MYO5A: variants seen among roughly 807,000 people sequenced by gnomAD.
The protein encoded by MYO5A is myosin VA.
A neutral mutation model predicts 249.7 loss-of-function variants in MYO5A; 98 were observed. The ratio of observed to expected loss-of-function variants is 0.39; its 90% CI spans 0.33 to 0.46. The LOEUF is 0.46. MYO5A is among the 20% of genes least tolerant of loss of function. MYO5A has a pLI of 0.98. For synonymous variants in MYO5A, 778 were observed against 810.6 expected (o/e 0.96, Z 0.68); for missense variants, 1,696 against 2,308.8 (o/e 0.73, Z 5.44).
chr15:52,498,092 C>CAA (rs2077079273), intron 1 of MYO5A, among the ~76,000 whole-genome samples: 1 of 151,818 alleles, frequency 6.6e-6, no homozygotes, highest in Non-Finnish European at 1.5e-5. Flanking sequence ...AAGAAAACAA[C>CAA]AAAAACTCAT....
intron 1 of MYO5A, among the ~76,000 whole-genome samples, chr15:52,497,121 C>T (rs991646090): frequency 1.3e-5 from 2 of 152,104 alleles, no homozygotes; most frequent in Admixed American, 6.6e-5. Flanking sequence ...ACCACCATGC[C>T]CGGCTAATTT....
chr15:52,453,721 A>T (rs1218649125), intron 1 of MYO5A, among the ~76,000 whole-genome samples: 1 of 152,142 alleles, frequency 6.6e-6, no homozygotes, highest in Non-Finnish European at 1.5e-5. Flanking sequence ...TAGATTATAG[A>T]GGTTTTTTTT....
chr15:52,389,459 G>A (rs532887274), intron 12 of MYO5A, 96 bp from the exon 13 acceptor site: 2 of 1,135,502 alleles, frequency 1.8e-6, no homozygotes, highest in African/African-American at 1.6e-5. Context: ...TTTTTTTTTT[G>A]GCTTTAACTA....
chr15:52,513,528 G>A (rs1310376104), intron 1 of MYO5A, among the ~76,000 whole-genome samples: 4 of 150,466 alleles, frequency 2.7e-5, no homozygotes, highest in African/African-American at 7.3e-5. Flanking sequence ...GGGTTCAAGC[G>A]ATTCTCCTGA....
chr15:52,362,343 C>T (rs939931934), intron 24 of MYO5A, among the ~76,000 whole-genome samples: 1 of 152,142 alleles, frequency 6.6e-6, no homozygotes, highest in African/African-American at 2.4e-5. Flanking sequence ...TACAGAACAG[C>T]GTCAGTCTAA....
At position 52,494,179 on chromosome 15, in the gene MYO5A, T is replaced by A. The variant is rs192957973; in HGVS notation, c.27+34601A>T. Among the ~76,000 whole-genome samples, 4 of 152,278 alleles carry A rather than the reference T, an allele frequency of 2.6e-5. No homozygotes were observed. The East Asian group carries it at 7.7e-4, about 29-fold the overall frequency. On this transcript the variant is annotated intron_variant, in intron 1 of 41. Transcript: ENST00000399233. ...TATCACTGAATGGTGTCATCTTTGA[T>A]CTCCAAACAAAAAGCATTAATGACT...
intron 20 of MYO5A, among the ~76,000 whole-genome samples, chr15:52,373,914 C>A (rs542247484): frequency 1.3e-5 from 2 of 151,960 alleles, no homozygotes; most frequent in East Asian, 3.9e-4. Context: ...TCAAGCCTCA[C>A]CAGTTTCGAA....
At chr15:52,515,200 T>G (rs1334840236) in intron 1 of MYO5A, among the ~76,000 whole-genome samples, 1 of 150,324 alleles carries the variant, frequency 6.7e-6, no homozygotes, top group African/African-American at 2.5e-5. Flanking sequence ...ATTAGTTAGC[T>G]CACAAGGTCG....
At chr15:52,333,021 G>A (rs1470561817) in intron 34 of MYO5A, among the ~76,000 whole-genome samples, 1 of 152,150 alleles carries the variant, frequency 6.6e-6, no homozygotes, top group Non-Finnish European at 1.5e-5. Flanking sequence ...TCCACCTTCT[G>A]CCATGTAAGA....
At chr15:52,515,492 A>T (rs924816212) in intron 1 of MYO5A, among the ~76,000 whole-genome samples, 10 of 152,190 alleles carry the variant, frequency 6.6e-5, no homozygotes, top group African/African-American at 2.4e-4. Context: ...GACAGTAGCT[A>T]ACATTTCTTA....
At chr15:52,447,992 G>T (rs1380039734) in intron 1 of MYO5A, among the ~76,000 whole-genome samples, 2 of 152,220 alleles carry the variant, frequency 1.3e-5, no homozygotes, top group Non-Finnish European at 2.9e-5. Context: ...GGCAATGTAG[G>T]AGGGAAATGT....
chr15:52,468,174 A>G (rs2076388976), intron 1 of MYO5A, among the ~76,000 whole-genome samples: 1 of 152,000 alleles, frequency 6.6e-6, no homozygotes, highest in South Asian at 2.1e-4. Flanking sequence ...ATACAGTGAG[A>G]CCTCATCTCT....
At chr15:52,391,893 T>C in intron 12 of MYO5A, 37 bp downstream of exon 12, 1 of 1,600,848 alleles carries the variant, frequency 6.2e-7, no homozygotes, top group Non-Finnish European at 8.5e-7. Context: ...GATACATCTA[T>C]TTTGATAAAC....
At chr15:52,498,634 TA>T (rs2077091057) in intron 1 of MYO5A, among the ~76,000 whole-genome samples, 1 of 152,210 alleles carries the variant, frequency 6.6e-6, no homozygotes, top group Admixed American at 6.5e-5. Flanking sequence ...ATTCTTCTAT[TA>T]AGGTGTTAGT....
rs761068538 is a variant in MYO5A at position 52,401,294 on chromosome 15, T to A, written c.1054-3828A>T. On this transcript the variant is annotated intron_variant, in intron 9 of 41. Coordinates refer to ENST00000399233, the MANE Select transcript of MYO5A (RefSeq NM_001382347.1). ...CATGTTGGCCAGGCTAGTCTCAAAC[T>A]CTTAGCCTCAGGTGATCCACCCGCC... 1.4e-4 allele frequency among the ~76,000 whole-genome samples: 22 copies of A among 152,270 alleles called. 1 individual carries two copies. The Middle Eastern group carries it at 0.01, about 71-fold the overall frequency.
At chr15:52,503,699 ATC>A (rs1222418449) in intron 1 of MYO5A, among the ~76,000 whole-genome samples, 1 of 152,202 alleles carries the variant, frequency 6.6e-6, no homozygotes, top group Non-Finnish European at 1.5e-5. Context: ...TAAAAACTGA[ATC>A]AAAAAAATTA....
chr15:52,439,729 A>C (rs2075746679), intron 1 of MYO5A, among the ~76,000 whole-genome samples: 1 of 152,204 alleles, frequency 6.6e-6, no homozygotes, highest in Non-Finnish European at 1.5e-5. Flanking sequence ...CTCATGAAGT[A>C]GTAGGTAAAG....
chr15:52,417,074 G>A (rs1281917208), intron 4 of MYO5A, among the ~76,000 whole-genome samples: 1 of 152,110 alleles, frequency 6.6e-6, no homozygotes. Flanking sequence ...GTGTGGAAAG[G>A]AACATAAGAA....
At chr15:52,519,797 C>T (rs1165657681) in intron 1 of MYO5A, among the ~76,000 whole-genome samples, 1 of 151,890 alleles carries the variant, frequency 6.6e-6, no homozygotes, top group Non-Finnish European at 1.5e-5. Context: ...CCGGCACGAT[C>T]TCAACTCACT....
Sources: gnomAD v4.1 joint callset for allele counts (sites outside exome capture counted in the v4.1 genomes callset) on GRCh38, gnomAD v4.1.1 for gene constraint, MANE v1.5 for transcripts, NCBI Gene and HGNC (gene_info 2026-07-23, HGNC 2026-07-21) for gene names.